Variants in FUT8 observed in about 807,000 individuals in gnomAD.
The protein encoded by FUT8 is fucosyltransferase 8.
Under a neutral mutation model 71.3 loss-of-function variants are expected in FUT8, and 29 were observed. The ratio of observed to expected loss-of-function variants is 0.41; its 90% CI spans 0.30 to 0.55. FUT8 has a LOEUF of 0.55. Ranked by LOEUF, FUT8 falls within the 20% of genes least tolerant of loss-of-function variation. FUT8 has a pLI of 0.34. For missense variants in FUT8, 544 were observed against 702.1 expected (o/e 0.77, Z 2.55); for synonymous variants, 254 against 239.3 (o/e 1.06, Z -0.57).
intron 2 of FUT8, among the ~76,000 whole-genome samples, chr14:65,519,282 A>G (rs535213252): frequency 3.3e-5 from 5 of 152,356 alleles, no homozygotes; most frequent in African/African-American, 1.2e-4. Flanking sequence ...AATACATAGA[A>G]TGTAGTACAG....
chr14:65,514,738 G>A (rs1487447444), intron 2 of FUT8, among the ~76,000 whole-genome samples: 1 of 151,186 alleles, frequency 6.6e-6, no homozygotes, highest in Non-Finnish European at 1.5e-5. Context: ...TAAGTTTTAG[G>A]GTACATGTGC....
intron 3 of FUT8, among the ~76,000 whole-genome samples, chr14:65,612,424 T>C (rs1889049133): frequency 6.6e-6 from 1 of 152,238 alleles, no homozygotes; most frequent in South Asian, 2.1e-4. Context: ...GAACTGTTTC[T>C]ACCTAATCTG....
chr14:65,653,614 C>A (rs991203808), intron 6 of FUT8, among the ~76,000 whole-genome samples: 2 of 152,090 alleles, frequency 1.3e-5, no homozygotes, highest in Non-Finnish European at 2.9e-5. Context: ...TGAGAGCAGC[C>A]AGAGAGAAGC....
At chr14:65,527,469 T>C (rs1237911006) in intron 2 of FUT8, among the ~76,000 whole-genome samples, 5 of 152,202 alleles carry the variant, frequency 3.3e-5, no homozygotes, top group African/African-American at 7.2e-5. Flanking sequence ...CTTCGTCTAA[T>C]CTTTTTTCAA....
chr14:65,601,260 TC>T (rs1888274540), intron 3 of FUT8, among the ~76,000 whole-genome samples: 1 of 152,186 alleles, frequency 6.6e-6, no homozygotes, highest in African/African-American at 2.4e-5. Flanking sequence ...ATATTTTCTT[TC>T]AATAGTGGAA....
At chr14:65,715,154 C>G (rs1226203215) in intron 7 of FUT8, among the ~76,000 whole-genome samples, 1 of 152,162 alleles carries the variant, frequency 6.6e-6, no homozygotes, top group African/African-American at 2.4e-5. Context: ...TTGTTGTGTT[C>G]CAGATCTTAG....
the FUT8 span, among the ~76,000 whole-genome samples, chr14:65,385,228 A>T: frequency 6.6e-6 from 1 of 152,066 alleles, no homozygotes; most frequent in Non-Finnish European, 1.5e-5. Context: ...GTAGCTCCTT[A>T]ACAGTTTGTT....
chr14:65,579,708 A>G (rs550974598), intron 3 of FUT8, among the ~76,000 whole-genome samples: 2 of 152,268 alleles, frequency 1.3e-5, no homozygotes, highest in South Asian at 4.1e-4. Flanking sequence ...ATATCTAAAA[A>G]TAGCTTCCTG....
intron 3 of FUT8, among the ~76,000 whole-genome samples, chr14:65,572,939 A>G (rs1886562509): frequency 6.6e-6 from 1 of 152,212 alleles, no homozygotes; most frequent in South Asian, 2.1e-4. Context: ...ATTTTCTTCA[A>G]TCAGCTTGAC....
intron 3 of FUT8, among the ~76,000 whole-genome samples, chr14:65,589,600 C>T (rs986943596): frequency 3.3e-5 from 5 of 151,988 alleles, no homozygotes; most frequent in Admixed American, 6.6e-5. Flanking sequence ...CCCGCCACCA[C>T]GCCTGGCTAA....
intron 2 of FUT8, among the ~76,000 whole-genome samples, chr14:65,512,279 C>T (rs1882399843): frequency 6.6e-6 from 1 of 152,174 alleles, no homozygotes; most frequent in South Asian, 2.1e-4. Context: ...TCTCGTGCCT[C>T]AGCCTCCCAG....
rs1173294513 is a variant in FUT8, at chr14:65,574,878, A to G, written c.203+13112A>G. 1.3e-5 allele frequency among the ~76,000 whole-genome samples: 2 copies of G among 152,160 alleles called. No homozygotes were observed. Among genetic ancestry groups the G allele is most frequent in the Admixed American group, 1.3e-4 (2 of 15,268 alleles). On this transcript the variant is annotated intron_variant, in intron 3 of 10. Coordinates refer to ENST00000673929, the MANE Select transcript of FUT8 (RefSeq NM_001371533.1). This position sits in a 1 kb window ranked among gnomAD's most constrained non-coding sequence, Gnocchi z 5.2. ...GAAACATATCCTCTGAGGAGGAACC[A>G]TAAGCATGGCTTGAAGGCAGGGTTG...
intron 10 of FUT8, among the ~76,000 whole-genome samples, chr14:65,733,938 A>G (rs2139389618): frequency 6.6e-6 from 1 of 152,258 alleles, no homozygotes; most frequent in South Asian, 2.1e-4. Context: ...GTTGCAGATG[A>G]TTATATTTTA....
At chr14:65,729,555 G>A (rs1366632360) in intron 9 of FUT8, among the ~76,000 whole-genome samples, 1 of 147,908 alleles carries the variant, frequency 6.8e-6, no homozygotes, top group Admixed American at 6.7e-5. Context: ...TAAATACAGG[G>A]TCCAGGCTGG....
chr14:65,669,479 A>G lies in FUT8; in HGVS notation c.834A>G (p.Ser278=). The change falls in exon 7 of 11, where the codon TCA becomes TCG. Residue 278 remains serine (S), a splice_region_variant and synonymous_variant. Transcript: ENST00000673929. The surrounding 1 kb of genome is among the most constrained non-coding windows in gnomAD (Gnocchi z 4.5). ...DRSGISTGHW[S]GEVKDKNVQV... is the part of the protein sequence containing the mutation. ...CTGGCATCTCCACTGGACACTGGTC[A>G]GGTAAGGAGCTTGTGCAGCATATGA... 6.2e-7 allele frequency: 1 copy of G among 1,605,912 alleles called. No individual in the cohort carries two copies. The highest frequency in any genetic ancestry group is 1.3e-5 in the African/African-American group (1 of 74,888).
At chr14:65,412,119 C>G (rs957910781), upstream of FUT8, 1 of 455,276 alleles carries the variant, frequency 2.2e-6, no homozygotes, top group African/African-American at 2.0e-5. Context: ...GCATCGAACT[C>G]AGGCCCTCGT....
chr14:65,403,931 C>T, the FUT8 span, among the ~76,000 whole-genome samples: 1 of 151,654 alleles, frequency 6.6e-6, no homozygotes. Context: ...GAGTTTTGCT[C>T]TTCTTGCCCA....
intron 2 of FUT8, among the ~76,000 whole-genome samples, chr14:65,548,989 G>A (rs1885132589): frequency 6.6e-6 from 1 of 152,150 alleles, no homozygotes; most frequent in Admixed American, 6.5e-5. Flanking sequence ...GATGTTCAGT[G>A]TCATTTGTTA....
At chr14:65,385,016 C>T in the FUT8 span, among the ~76,000 whole-genome samples, 4 of 152,092 alleles carry the variant, frequency 2.6e-5, no homozygotes, top group South Asian at 4.2e-4. Flanking sequence ...CTCAACCTCC[C>T]GAGTAGCTGG....
Sources: gnomAD v4.1 joint callset for allele counts (sites outside exome capture counted in the v4.1 genomes callset) on GRCh38, gnomAD v4.1.1 for gene constraint, Gnocchi (gnomAD v3.1) non-coding constraint, MANE v1.5 for transcripts, NCBI Gene and HGNC (gene_info 2026-07-23, HGNC 2026-07-21) for gene names.